ZNF804B: variants seen among roughly 807,000 people sequenced by gnomAD.
ZNF804B encodes zinc finger 804B.
A neutral mutation model predicts 101.4 loss-of-function variants in ZNF804B; 80 were observed. The observed-to-expected ratio is 0.79, with a 90% confidence interval of 0.66 to 0.95. ZNF804B has a LOEUF of 0.95. Among genes scored for constraint, ZNF804B ranks in the 40% least tolerant of loss-of-function variants. The pLI, the probability that ZNF804B is intolerant of heterozygous loss-of-function variation, is 0.00. For missense variants in ZNF804B, 1,673 were observed against 1,561.9 expected (o/e 1.07, Z -1.20); for synonymous variants, 622 against 558.8 (o/e 1.11, Z -1.59).
intron 2 of ZNF804B, among the ~76,000 whole-genome samples, chr7:89,281,754 T>A (rs2115871630): frequency 6.6e-6 from 1 of 152,282 alleles, no homozygotes; most frequent in Non-Finnish European, 1.5e-5. Flanking sequence ...GTCTATAGAC[T>A]ATAAACAGGT....
chr7:89,092,179 T>C (rs1789899436), intron 1 of ZNF804B, among the ~76,000 whole-genome samples: 4 of 151,566 alleles, frequency 2.6e-5, no homozygotes, highest in Admixed American at 6.6e-5. Flanking sequence ...CCTCACATGG[T>C]GAAATAAACA....
intron 1 of ZNF804B, among the ~76,000 whole-genome samples, chr7:88,949,057 G>A (rs548033845): frequency 1.3e-4 from 19 of 151,312 alleles, no homozygotes; most frequent in Admixed American, 2.6e-4. Context: ...TTAAATTAAC[G>A]TCATACATAT....
At chr7:89,166,487 A>G (rs1791145578) in intron 1 of ZNF804B, among the ~76,000 whole-genome samples, 1 of 152,290 alleles carries the variant, frequency 6.6e-6, no homozygotes, top group East Asian at 1.9e-4. Context: ...ATATTTATCA[A>G]CACCTTAAGT....
At chr7:89,112,610 G>C (rs1448765510) in intron 1 of ZNF804B, among the ~76,000 whole-genome samples, 5 of 151,958 alleles carry the variant, frequency 3.3e-5, no homozygotes, top group Non-Finnish European at 4.4e-5. Flanking sequence ...TGGGATTTTT[G>C]CCTTTTCATA....
At chr7:89,259,857 G>A (rs10266780) in intron 2 of ZNF804B, among the ~76,000 whole-genome samples, 162 of 152,046 alleles carry the variant, frequency 1.1e-3, no homozygotes, top group African/African-American at 3.6e-3. Context: ...GCAGATGCCT[G>A]TAATCCCAGC....
At chr7:89,124,006 A>G (rs1790442836) in intron 1 of ZNF804B, among the ~76,000 whole-genome samples, 1 of 152,148 alleles carries the variant, frequency 6.6e-6, no homozygotes, top group Non-Finnish European at 1.5e-5. Context: ...TCACACATGG[A>G]TGGACTTTGC....
intron 2 of ZNF804B, among the ~76,000 whole-genome samples, chr7:89,239,870 A>C (rs1435962455): frequency 1.3e-5 from 2 of 151,382 alleles, no homozygotes; most frequent in Non-Finnish European, 3.0e-5. Context: ...TCATTGAAAA[A>C]TCTAGTGTTT....
chr7:88,820,061 T>A (rs986695086), intron 1 of ZNF804B, among the ~76,000 whole-genome samples: 3 of 152,184 alleles, frequency 2.0e-5, no homozygotes, highest in Non-Finnish European at 4.4e-5. Flanking sequence ...AAGGACAAGA[T>A]AATAAATAAA....
chr7:88,926,908 A>C (rs1792808561), intron 1 of ZNF804B, among the ~76,000 whole-genome samples: 2 of 140,158 alleles, frequency 1.4e-5, no homozygotes, highest in Admixed American at 7.4e-5. Flanking sequence ...AATAAATTAT[A>C]GACCACACTT....
intron 2 of ZNF804B, among the ~76,000 whole-genome samples, chr7:89,302,414 CA>C (rs1160976179): frequency 6.6e-6 from 1 of 151,744 alleles, no homozygotes; most frequent in African/African-American, 2.4e-5. Flanking sequence ...ACTTAGAAAT[CA>C]GAGCCTGAGA....
chr7:89,147,875 T>C lies in ZNF804B; in HGVS notation c.109-70280T>C, dbSNP rs1402910230. On this transcript the variant is annotated intron_variant, in intron 1 of 3. Transcript: ENST00000333190. ...ACCATCTAGTTGCAGGAAAACACGC[T>C]CAGGGCTCCCACCAATTCTACAATA... Among the ~76,000 whole-genome samples the C allele has an allele frequency of 4.0e-5, 6 of 151,782 alleles. No individual in the cohort carries two copies. The East Asian group carries it at 7.8e-4, about 20-fold the overall frequency.
intron 1 of ZNF804B, among the ~76,000 whole-genome samples, chr7:89,114,410 G>T (rs564917329): frequency 9.2e-4 from 140 of 152,284 alleles, no homozygotes; most frequent in Middle Eastern, 3.4e-3. Flanking sequence ...CAGGCTCTTT[G>T]TCATTACTGA....
At chr7:89,133,235 A>G (rs1790578702) in intron 1 of ZNF804B, among the ~76,000 whole-genome samples, 1 of 152,042 alleles carries the variant, frequency 6.6e-6, no homozygotes, top group East Asian at 1.9e-4. Context: ...CAAAGGCAGA[A>G]CCAGGATGCT....
intron 1 of ZNF804B, among the ~76,000 whole-genome samples, chr7:89,194,197 T>C (rs558218378): frequency 6.6e-6 from 1 of 152,328 alleles, no homozygotes; most frequent in Admixed American, 6.5e-5. Flanking sequence ...GAGTTCATTG[T>C]AGATTCTGGA....
At chr7:89,156,898 C>T (rs55798572) in intron 1 of ZNF804B, among the ~76,000 whole-genome samples, 17,449 of 152,084 alleles carry the variant, frequency 0.11, 1,276 homozygotes, top group Middle Eastern at 0.21. Flanking sequence ...TTAATTGCTG[C>T]ATTAAGAAAG....
chr7:88,830,604 C>T (rs1008629270), intron 1 of ZNF804B, among the ~76,000 whole-genome samples: 2 of 151,702 alleles, frequency 1.3e-5, no homozygotes, highest in Non-Finnish European at 2.9e-5. Context: ...TTTCAGTGTA[C>T]CCAGCTTCTT....
chr7:89,218,650 A>G, intron 2 of ZNF804B, among the ~76,000 whole-genome samples: 1 of 152,188 alleles, frequency 6.6e-6, no homozygotes, highest in East Asian at 1.9e-4. Context: ...TAATTCCCTC[A>G]GAAATTTACT....
intron 1 of ZNF804B, among the ~76,000 whole-genome samples, chr7:88,765,346 G>T (rs1789964950): frequency 6.6e-6 from 1 of 152,068 alleles, no homozygotes; most frequent in Non-Finnish European, 1.5e-5. Flanking sequence ...ATTTAACATA[G>T]AACTTAACTA....
intron 1 of ZNF804B, among the ~76,000 whole-genome samples, chr7:88,941,790 T>G (rs1249735894): frequency 6.6e-6 from 1 of 151,910 alleles, no homozygotes; most frequent in Non-Finnish European, 1.5e-5. Context: ...GGATGAAGGT[T>G]GTTCTTGGTC....
Sources: allele counts gnomAD v4.1 joint callset (sites outside exome capture counted in the v4.1 genomes callset), GRCh38; gene constraint gnomAD v4.1.1; transcripts MANE v1.5; gene names NCBI Gene and HGNC (gene_info 2026-07-23, HGNC 2026-07-21).